The following CAST variants were observed in gnomAD, a reference collection of about 807,000 sequenced individuals.
CAST encodes MIR583 host.
In CAST, 76 loss-of-function variants were observed where a neutral mutation model predicts 119.6. That is an observed-to-expected ratio of 0.64 (90% confidence interval 0.53 to 0.77). CAST has a LOEUF of 0.77. CAST is among the 30% of genes least tolerant of loss of function. The pLI is 0.00. For synonymous variants in CAST, 319 were observed against 331.6 expected (o/e 0.96, Z 0.41); for missense variants, 953 against 946.5 (o/e 1.01, Z -0.09).
intron 1 of CAST, among the ~76,000 whole-genome samples, chr5:96,617,760 C>G (rs944918168): frequency 1.6e-5 from 2 of 124,844 alleles, no homozygotes; most frequent in African/African-American, 6.2e-5. Flanking sequence ...CCACTGCACT[C>G]CAGCCTGGGC....
chr5:96,230,013 A>G, the CAST span, among the ~76,000 whole-genome samples: 1 of 152,188 alleles, frequency 6.6e-6, no homozygotes, highest in East Asian at 1.9e-4. Context: ...TGTCAGGGAT[A>G]GTGACAAAGC....
chr5:96,313,569 G>A, the CAST span, among the ~76,000 whole-genome samples: 1 of 151,890 alleles, frequency 6.6e-6, no homozygotes, highest in Non-Finnish European at 1.5e-5. Context: ...AGACATTTTG[G>A]GTTGTTTCCA....
At chr5:96,726,446 C>T (rs575012832) in intron 4 of CAST, among the ~76,000 whole-genome samples, 21 of 152,140 alleles carry the variant, frequency 1.4e-4, no homozygotes, top group East Asian at 1.4e-3. Flanking sequence ...TAAAACTTTC[C>T]GTTACATCTG....
the CAST span, among the ~76,000 whole-genome samples, chr5:96,465,842 C>G: frequency 3.9e-5 from 6 of 152,172 alleles, no homozygotes; most frequent in African/African-American, 1.4e-4. Flanking sequence ...TGGTTCTAAC[C>G]TTTTCAGTGA....
chr5:95,983,468 A>AT, the CAST span, among the ~76,000 whole-genome samples: 14 of 152,282 alleles, frequency 9.2e-5, no homozygotes, highest in East Asian at 3.9e-4. Flanking sequence ...AACTATGGGC[A>AT]TTTTTTTATT....
the CAST span, among the ~76,000 whole-genome samples, chr5:96,449,593 A>C: frequency 6.6e-6 from 1 of 152,184 alleles, no homozygotes; most frequent in Admixed American, 6.5e-5. Flanking sequence ...ATAATTGACT[A>C]TGATTGCTTT....
At chr5:96,577,403 A>T in intron 1 of CAST, among the ~76,000 whole-genome samples, 1 of 148,538 alleles carries the variant, frequency 6.7e-6, no homozygotes, top group East Asian at 2.0e-4. Flanking sequence ...GATCTTTATT[A>T]TTTTCTTCTT....
chr5:96,622,925 G>A (rs141265703), intron 1 of CAST, among the ~76,000 whole-genome samples: 3 of 101,918 alleles, frequency 2.9e-5, no homozygotes, highest in East Asian at 2.7e-4. Context: ...GTGCAGTGGC[G>A]GGATCTCGGC....
chr5:96,752,439 A>G (rs1157617714), intron 20 of CAST, among the ~76,000 whole-genome samples: 1 of 152,162 alleles, frequency 6.6e-6, no homozygotes. Context: ...CATTGCTTGC[A>G]TAAGACTTGG....
the CAST span, among the ~76,000 whole-genome samples, chr5:96,231,162 AAAC>A: frequency 1.3e-5 from 2 of 152,194 alleles, no homozygotes; most frequent in Non-Finnish European, 2.9e-5. Context: ...AAACATGTCT[AAAC>A]AACATCTTGT....
chr5:96,218,074 A>C, the CAST span, among the ~76,000 whole-genome samples: 7 of 152,284 alleles, frequency 4.6e-5, no homozygotes, highest in African/African-American at 1.7e-4. Context: ...AGAAAAAGTG[A>C]CTGTTTGCTT....
In CAST at chr5:96,741,530, A is replaced by G; in HGVS notation, c.1048A>G (p.Thr350Ala). The G allele has an allele frequency of 6.2e-7, 1 of 1,613,860 alleles. No individual in the cohort carries two copies. Among genetic ancestry groups the G allele is most frequent in the Non-Finnish European group, 8.5e-7 (1 of 1,179,754 alleles). Residue 350 changes from threonine to alanine, a missense_variant, in exon 15 of 32, where the codon ACA (threonine) becomes GCA (alanine). Coordinates refer to ENST00000675179, the MANE Select transcript of CAST (RefSeq NM_001750.7). ...AGTTTTAAAAGCTCAGTCAGCAGGGACAGTCAGAAGTGCTGCTCCACCCCA... is the reference window on the plus strand; with the variant it reads ...AGTTTTAAAAGCTCAGTCAGCAGGGGCAGTCAGAAGTGCTGCTCCACCCCA... ...TEVLKAQSAG[T>A]VRSAAPPQEK...
At chr5:96,469,015 T>A in the CAST span, among the ~76,000 whole-genome samples, 1 of 152,066 alleles carries the variant, frequency 6.6e-6, no homozygotes, top group African/African-American at 2.4e-5. Context: ...ATAAACTGAT[T>A]CCTGGCTAAA....
intron 9 of CAST, among the ~76,000 whole-genome samples, chr5:96,733,244 G>A (rs1000995628): frequency 6.6e-6 from 1 of 152,152 alleles, no homozygotes; most frequent in Admixed American, 6.5e-5. Flanking sequence ...GGAAGACACA[G>A]CACTCTCTTG....
the CAST span, among the ~76,000 whole-genome samples, chr5:96,123,913 G>C: frequency 1.1e-4 from 17 of 151,944 alleles, no homozygotes; most frequent in Non-Finnish European, 2.1e-4. Flanking sequence ...CCTATCTTAT[G>C]GTCTTTCTCA....
the CAST span, among the ~76,000 whole-genome samples, chr5:96,325,631 T>C: frequency 1.3e-5 from 2 of 151,964 alleles, no homozygotes; most frequent in East Asian, 3.9e-4. Context: ...AGGTGCATGC[T>C]ACCACGTCCG....
chr5:96,662,798 T>C (rs1485345652), intron 1 of CAST, among the ~76,000 whole-genome samples: 2 of 151,978 alleles, frequency 1.3e-5, no homozygotes, highest in African/African-American at 4.8e-5. Flanking sequence ...GAACGGGGAA[T>C]GAGGTTCACT....
chr5:96,088,446 C>T, the CAST span, among the ~76,000 whole-genome samples: 1 of 152,134 alleles, frequency 6.6e-6, no homozygotes. Context: ...ATGGCAGACC[C>T]AGGCTTTTAG....
chr5:96,329,687 G>A, the CAST span, among the ~76,000 whole-genome samples: 1 of 152,188 alleles, frequency 6.6e-6, no homozygotes, highest in South Asian at 2.1e-4. Context: ...AGCTGTAATC[G>A]TTACTGTCAA....
Sources: gnomAD v4.1 joint callset for allele counts (sites outside exome capture counted in the v4.1 genomes callset) on GRCh38, gnomAD v4.1.1 for gene constraint, MANE v1.5 for transcripts, NCBI Gene and HGNC (gene_info 2026-07-23, HGNC 2026-07-21) for gene names.